CDC73: variants seen among roughly 807,000 people sequenced by gnomAD.
CDC73 encodes cell division cycle 73.
Under a neutral mutation model 83.7 loss-of-function variants are expected in CDC73, and 21 were observed. The ratio of observed to expected loss-of-function variants is 0.25; its 90% CI spans 0.18 to 0.36. The LOEUF is 0.36. Among genes scored for constraint, CDC73 ranks in the 10% least tolerant of loss-of-function variants. The pLI, the probability that CDC73 is intolerant of heterozygous loss-of-function variation, is 1.00. For synonymous variants in CDC73, 224 were observed against 212.9 expected (o/e 1.05, Z -0.45); for missense variants, 342 against 653.3 (o/e 0.52, Z 5.19).
chr1:193,130,605 C>G (rs1238792460), intron 3 of CDC73, among the ~76,000 whole-genome samples: 3 of 152,222 alleles, frequency 2.0e-5, no homozygotes, highest in African/African-American at 7.2e-5. Flanking sequence ...TTCCTACTGT[C>G]TACTGCTTCA....
chr1:193,182,169 C>T (rs1025733470), intron 10 of CDC73, among the ~76,000 whole-genome samples: 1 of 152,066 alleles, frequency 6.6e-6, no homozygotes, highest in Non-Finnish European at 1.5e-5. Context: ...TTGATTATGG[C>T]AGAGTTCTGT....
intron 15 of CDC73, among the ~76,000 whole-genome samples, chr1:193,241,753 C>T (rs74130940): frequency 0.041 from 6,208 of 152,276 alleles, 410 homozygotes; most frequent in African/African-American, 0.14. Context: ...GCAGGGCCAC[C>T]CTCAGGCCCC....
chr1:193,186,557 A>G (rs1202788657), intron 10 of CDC73: 2 of 152,450 alleles, frequency 1.3e-5, no homozygotes, highest in East Asian at 3.9e-4. Flanking sequence ...GTTTTAGTCT[A>G]TAATATGAAA....
At chr1:193,124,989 A>G (rs918872507) in intron 1 of CDC73, 123 bp from the exon 2 acceptor site, 53 of 694,648 alleles carry the variant, frequency 7.6e-5, no homozygotes, top group Admixed American at 1.3e-4. Context: ...TAGATTTTAT[A>G]CTTTTTTTTT....
At chr1:193,138,758 G>T in intron 6 of CDC73, among the ~76,000 whole-genome samples, 1 of 142,698 alleles carries the variant, frequency 7.0e-6, no homozygotes. Flanking sequence ...GATAGTTTCT[G>T]TTGTACTGAA....
In CDC73 at chr1:193,135,521, T is replaced by G. The variant is rs1197530266; in HGVS notation, c.371-16T>G. ...TTCCAAAACTACACATTTATTTACT[T>G]CTCTTTCTTTTATAGTCAAACGAGC... On this transcript the variant is annotated splice_polypyrimidine_tract_variant and intron_variant, in intron 4 of 16. Coordinates refer to ENST00000367435, the MANE Select transcript of CDC73 (RefSeq NM_024529.5). 1 of 1,613,036 alleles carries G rather than the reference T, an allele frequency of 6.2e-7. No individual in the cohort carries two copies. Among genetic ancestry groups the G allele is most frequent in the African/African-American group, 1.3e-5 (1 of 74,898 alleles).
At chr1:193,179,844 T>C (rs978945309) in intron 10 of CDC73, 3 of 152,676 alleles carry the variant, frequency 2.0e-5, no homozygotes, top group African/African-American at 7.2e-5. Flanking sequence ...AAAAAATTTA[T>C]CCTTTGCACA....
At chr1:193,199,415 G>A (rs1272875515) in intron 10 of CDC73, among the ~76,000 whole-genome samples, 1 of 151,980 alleles carries the variant, frequency 6.6e-6, no homozygotes, top group Non-Finnish European at 1.5e-5. Flanking sequence ...CTCATTCAAT[G>A]TGTTTAGAAG....
intron 7 of CDC73, among the ~76,000 whole-genome samples, chr1:193,145,689 A>C (rs1675987907): frequency 6.6e-6 from 1 of 152,164 alleles, no homozygotes. Context: ...GTGCTCAGTA[A>C]TTTGTAAGAG....
At chr1:193,154,543 G>A (rs931077533) in intron 10 of CDC73, among the ~76,000 whole-genome samples, 1 of 152,168 alleles carries the variant, frequency 6.6e-6, no homozygotes, top group African/African-American at 2.4e-5. Context: ...TTTATGCTGT[G>A]TGATTTTTAA....
intron 10 of CDC73, among the ~76,000 whole-genome samples, chr1:193,203,549 A>G (rs1028999308): frequency 6.6e-6 from 1 of 152,214 alleles, no homozygotes; most frequent in Admixed American, 6.5e-5. Flanking sequence ...ACTCTGTAGT[A>G]ACTAAGTTTA....
chr1:193,204,182 TAC>T (rs756369033), intron 11 of CDC73, among the ~76,000 whole-genome samples: 13 of 142,562 alleles, frequency 9.1e-5, no homozygotes, highest in East Asian at 2.0e-4. Flanking sequence ...TATATATATA[TAC>T]ACACACACAC....
At chr1:193,143,179 T>C (rs1037805995) in intron 7 of CDC73, among the ~76,000 whole-genome samples, 1 of 152,344 alleles carries the variant, frequency 6.6e-6, no homozygotes, top group East Asian at 1.9e-4. Flanking sequence ...TGACTTTGTT[T>C]TACAAAGTAC....
intron 5 of CDC73, among the ~76,000 whole-genome samples, chr1:193,136,259 C>T (rs934638094): frequency 2.0e-5 from 3 of 152,014 alleles, no homozygotes; most frequent in African/African-American, 4.8e-5. Flanking sequence ...AAACAGATGG[C>T]GGGCCAGAAT....
intron 13 of CDC73, among the ~76,000 whole-genome samples, chr1:193,213,545 A>G (rs1211910931): frequency 6.6e-6 from 1 of 152,210 alleles, no homozygotes; most frequent in Non-Finnish European, 1.5e-5. Context: ...CTTTCAGAGG[A>G]TAAGAGAGAT....
At chr1:193,242,111 G>A (rs1677872613) in intron 15 of CDC73, among the ~76,000 whole-genome samples, 1 of 152,196 alleles carries the variant, frequency 6.6e-6, no homozygotes, top group Non-Finnish European at 1.5e-5. Context: ...GCAGGGGTTG[G>A]GGGGCTGTCT....
intron 10 of CDC73, among the ~76,000 whole-genome samples, chr1:193,184,288 A>C (rs1676768659): frequency 1.3e-5 from 2 of 151,908 alleles, no homozygotes; most frequent in African/African-American, 4.8e-5. Flanking sequence ...TTTTTTGTTA[A>C]AAAGAATATA....
At chr1:193,165,702 C>T (rs1238096008) in intron 10 of CDC73, among the ~76,000 whole-genome samples, 2 of 152,220 alleles carry the variant, frequency 1.3e-5, no homozygotes, top group African/African-American at 4.8e-5. Context: ...TAGTCTTTTT[C>T]TCTCTTTCAC....
intron 10 of CDC73, among the ~76,000 whole-genome samples, chr1:193,162,303 C>G (rs1475319733): frequency 1.4e-3 from 173 of 121,542 alleles, no homozygotes; most frequent in South Asian, 5.3e-3. Context: ...ATTATATATA[C>G]TATATATTAT....
Sources: allele counts gnomAD v4.1 joint callset (sites outside exome capture counted in the v4.1 genomes callset), GRCh38; gene constraint gnomAD v4.1.1; transcripts MANE v1.5; gene names NCBI Gene and HGNC (gene_info 2026-07-23, HGNC 2026-07-21).